PRPF18: variants seen among roughly 807,000 people sequenced by gnomAD.
PRPF18 encodes the protein pre-mRNA processing factor 18.
A neutral mutation model predicts 46.5 loss-of-function variants in PRPF18; 38 were observed. The ratio of observed to expected loss-of-function variants is 0.82; its 90% CI spans 0.63 to 1.07. The LOEUF (loss-of-function observed/expected upper bound fraction) is 1.07, where lower values mean the gene tolerates loss of function less well. PRPF18 is among the 50% of genes least tolerant of loss of function. The pLI is 0.00. For missense variants in PRPF18, 263 were observed against 410.0 expected (o/e 0.64, Z 3.10); for synonymous variants, 152 against 146.7 (o/e 1.04, Z -0.26).
At chr10:13,606,596 G>A (rs1027202266) in intron 4 of PRPF18, among the ~76,000 whole-genome samples, 56 of 152,084 alleles carry the variant, frequency 3.7e-4, no homozygotes, top group Admixed American at 2.9e-3. Context: ...TTAGCTGGGC[G>A]TAGTGGCGTG....
downstream of PRPF18, among the ~76,000 whole-genome samples, chr10:13,635,547 C>G (rs544458410): frequency 6.6e-6 from 1 of 152,324 alleles, no homozygotes; most frequent in South Asian, 2.1e-4. Context: ...TCTACAACCT[C>G]ACCAGCATCT....
At chr10:13,627,125 C>T (rs1000023371) in intron 9 of PRPF18, among the ~76,000 whole-genome samples, 2 of 152,210 alleles carry the variant, frequency 1.3e-5, no homozygotes, top group Non-Finnish European at 2.9e-5. Context: ...CAGAACCCTG[C>T]AGGGGCTTCC....
chr10:13,654,315 C>T, the PRPF18 span: 2 of 830,416 alleles, frequency 2.4e-6, no homozygotes, highest in Non-Finnish European at 4.2e-6. Flanking sequence ...GTGATGAACC[C>T]TCATCATCCA....
At chr10:13,655,296 G>A in the PRPF18 span, 1 of 152,088 alleles carries the variant, frequency 6.6e-6, no homozygotes, top group Non-Finnish European at 1.5e-5. Flanking sequence ...AAATCTACTA[G>A]ACCAGTGCTG....
chr10:13,654,027 A>G, the PRPF18 span: 2 of 368,460 alleles, frequency 5.4e-6, no homozygotes, highest in South Asian at 1.2e-4. Context: ...GCCCCAGTGT[A>G]TTTGCTGTCT....
intron 1 of PRPF18, chr10:13,591,612 C>CT: frequency 1.6e-6 from 1 of 643,376 alleles, no homozygotes; most frequent in Non-Finnish European, 2.8e-6. Context: ...TTGTATTTAT[C>CT]TTTTTCTGTG....
intron 1 of PRPF18, chr10:13,591,968 C>A: frequency 9.4e-7 from 1 of 1,062,852 alleles, no homozygotes; most frequent in Non-Finnish European, 1.4e-6. Context: ...GCTTTTGAGG[C>A]ACATCTTCAG....
the PRPF18 span, chr10:13,645,172 C>G: frequency 6.6e-6 from 1 of 152,218 alleles, no homozygotes; most frequent in Non-Finnish European, 1.5e-5. Flanking sequence ...CCTTACCCTT[C>G]TGGTCTGGTA....
At chr10:13,643,240 C>T in the PRPF18 span, 6 of 152,174 alleles carry the variant, frequency 3.9e-5, no homozygotes, top group African/African-American at 1.2e-4. Flanking sequence ...CTGCATCCTA[C>T]ATGGAATGAG....
the PRPF18 span, chr10:13,644,864 A>C: frequency 6.6e-6 from 1 of 152,220 alleles, no homozygotes; most frequent in African/African-American, 2.4e-5. Context: ...AATATCCCCC[A>C]GTGAATCCCT....
intron 6 of PRPF18, among the ~76,000 whole-genome samples, chr10:13,612,208 C>G (rs928679680): frequency 2.0e-5 from 3 of 152,110 alleles, no homozygotes; most frequent in Non-Finnish European, 4.4e-5. Context: ...TTTTTTAAAG[C>G]TGGCTCATTA....
the PRPF18 span, chr10:13,644,418 TAACTG>T: frequency 1.3e-5 from 2 of 152,238 alleles, no homozygotes; most frequent in African/African-American, 4.8e-5. Flanking sequence ...CATTTTGTAT[TAACTG>T]AACTCAGCTA....
At chr10:13,634,516 G>C (rs566044313), downstream of PRPF18, among the ~76,000 whole-genome samples, 1 of 152,322 alleles carries the variant, frequency 6.6e-6, no homozygotes, top group African/African-American at 2.4e-5. Flanking sequence ...AAACTAAATT[G>C]CCTTTGCGGT....
In PRPF18 at chr10:13,597,484, T is replaced by C; in HGVS notation, c.93T>C (p.Ser31=). The change falls in exon 2 of 10, where the codon AGT becomes AGC. Residue 31 remains serine, a synonymous_variant. Coordinates refer to ENST00000378572, the MANE Select transcript of PRPF18 (RefSeq NM_003675.4). ...LVENKKYFKR[S]ELAKKEEEAY... ...AAAATAAAAAATATTTCAAGCGTAG[T>C]GAGCTCGCCAAAAAAGAAGAGGAAG... 8 of 1,608,842 alleles carry C rather than the reference T, an allele frequency of 5.0e-6. No individual in the cohort carries two copies. The highest frequency in any genetic ancestry group is 1.3e-5 in the African/African-American group (1 of 74,794).
chr10:13,591,905 G>A (rs754585765), intron 1 of PRPF18: 1 of 1,381,028 alleles, frequency 7.2e-7, no homozygotes, highest in Non-Finnish European at 9.8e-7. Flanking sequence ...CTGGTTCGCA[G>A]TTTTCTCACG....
intron 2 of PRPF18, among the ~76,000 whole-genome samples, chr10:13,598,755 G>A (rs2080067701): frequency 6.6e-6 from 1 of 152,004 alleles, no homozygotes; most frequent in South Asian, 2.1e-4. Context: ...TTTTTGCCTT[G>A]CCCAGTGTTG....
At chr10:13,618,999 G>A (rs1255665445) in intron 9 of PRPF18, among the ~76,000 whole-genome samples, 1 of 152,200 alleles carries the variant, frequency 6.6e-6, no homozygotes. Context: ...GATGGTTTCA[G>A]GATGAAACTG....
At chr10:13,646,925 G>A in the PRPF18 span, 11 of 914,148 alleles carry the variant, frequency 1.2e-5, no homozygotes, top group East Asian at 8.3e-4. Flanking sequence ...AGATTAGGCC[G>A]GGCTGGCTCA....
At chr10:13,592,834 T>C (rs1267476025) in intron 1 of PRPF18, among the ~76,000 whole-genome samples, 1 of 152,232 alleles carries the variant, frequency 6.6e-6, no homozygotes, top group African/African-American at 2.4e-5. Context: ...CAGTATTTAC[T>C]GCATCTTTCC....
Sources: allele counts gnomAD v4.1 joint callset (sites outside exome capture counted in the v4.1 genomes callset), GRCh38; gene constraint gnomAD v4.1.1; transcripts MANE v1.5; gene names NCBI Gene and HGNC (gene_info 2026-07-23, HGNC 2026-07-21).